DPYD: variants seen among roughly 807,000 people sequenced by gnomAD.
DPYD encodes dihydropyrimidine dehydrogenase.
Under a neutral mutation model 116.2 loss-of-function variants are expected in DPYD, and 109 were observed. That is an observed-to-expected ratio of 0.94 (90% CI 0.80 to 1.10). The LOEUF is 1.10. Among genes scored for constraint, DPYD ranks in the 50% least tolerant of loss-of-function variants. DPYD has a pLI of 0.00. For missense variants in DPYD, 1,302 were observed against 1,254.5 expected (o/e 1.04, Z -0.57); for synonymous variants, 440 against 432.0 (o/e 1.02, Z -0.23).
In DPYD at chr1:97,921,021, A is replaced by G. The variant is rs571741157; in HGVS notation, c.-99T>C. On this transcript the variant is annotated 5_prime_UTR_variant, in exon 1 of 23. Coordinates refer to ENST00000370192, the MANE Select transcript of DPYD (RefSeq NM_000110.4). ...GTGACAGCAGCCGGAGCGCGAGTCGAAAACAGGCAGACTAGGGCCGGCGGC... is the reference window on the plus strand; with the variant it reads ...GTGACAGCAGCCGGAGCGCGAGTCGGAAACAGGCAGACTAGGGCCGGCGGC... 6.8e-6 allele frequency: 10 copies of G among 1,474,960 alleles called. No homozygotes were observed. The highest frequency in any genetic ancestry group is 7.4e-6 in the Non-Finnish European group (8 of 1,081,706). 91.4% of individuals were successfully genotyped at this position (1,474,960 alleles called of 1,614,324 possible).
chr1:97,092,772 C>A (rs1438979040), intron 21 of DPYD, among the ~76,000 whole-genome samples: 3 of 152,148 alleles, frequency 2.0e-5, no homozygotes, highest in Non-Finnish European at 2.9e-5. Context: ...AACATCAAAA[C>A]CTTAACTCAT....
chr1:97,136,333 C>T (rs1653795389), intron 20 of DPYD, among the ~76,000 whole-genome samples: 1 of 152,110 alleles, frequency 6.6e-6, no homozygotes, highest in Admixed American at 6.6e-5. Context: ...ATATAGTCTT[C>T]GCAATCACCC....
intron 20 of DPYD, among the ~76,000 whole-genome samples, chr1:97,173,013 T>G (rs1456783894): frequency 6.6e-6 from 1 of 152,042 alleles, no homozygotes; most frequent in Admixed American, 6.6e-5. Flanking sequence ...ATAGCAGTTA[T>G]GTTGAGGAGT....
intron 15 of DPYD, 36 bp from the exon 16 acceptor site, chr1:97,373,680 A>C: frequency 3.2e-6 from 5 of 1,578,608 alleles, no homozygotes; most frequent in Non-Finnish European, 3.5e-6. Flanking sequence ...GAAAAGGCAA[A>C]GCTTTATTTA....
At chr1:97,802,341 G>A (rs1667885134) in intron 3 of DPYD, among the ~76,000 whole-genome samples, 1 of 151,804 alleles carries the variant, frequency 6.6e-6, no homozygotes, top group East Asian at 1.9e-4. Flanking sequence ...CAGAGGGCAA[G>A]ACTAAAAGTT....
At chr1:97,491,627 T>G (rs193269851) in intron 13 of DPYD, among the ~76,000 whole-genome samples, 1 of 152,092 alleles carries the variant, frequency 6.6e-6, no homozygotes, top group African/African-American at 2.4e-5. Context: ...TGAATGATGC[T>G]GAATAGTACA....
At chr1:97,105,270 G>T (rs1651054915) in intron 20 of DPYD, among the ~76,000 whole-genome samples, 1 of 151,922 alleles carries the variant, frequency 6.6e-6, no homozygotes, top group Non-Finnish European at 1.5e-5. Flanking sequence ...AAGGAGAGGG[G>T]GAATAGAAAA....
At chr1:97,361,038 C>T (rs1050394671) in intron 16 of DPYD, among the ~76,000 whole-genome samples, 8 of 151,728 alleles carry the variant, frequency 5.3e-5, no homozygotes, top group African/African-American at 1.9e-4. Context: ...AAAAGATCAA[C>T]AAAATTGATA....
In DPYD at chr1:97,828,150, G is replaced by C; in HGVS notation, c.197C>G (p.Thr66Ser). Residue 66 changes from threonine to serine, a missense_variant, in exon 3 of 23, where the codon ACT becomes AGT. Thr to Ser is a moderately conservative substitution (Grantham distance 58). Coordinates refer to ENST00000370192, the MANE Select transcript of DPYD (RefSeq NM_000110.4). ...ENNFDDIKHT[T>S]LGERGALREA... ...TCGGAGAGCTCCTCGCTCACCAAGA[G>C]TCGTGTGCTTGATGTCATCAAAATT... 6.2e-7 allele frequency: 1 copy of C among 1,613,718 alleles called. No homozygotes were observed. The highest frequency in any genetic ancestry group is 2.2e-5 in the East Asian group (1 of 44,856).
intron 1 of DPYD, among the ~76,000 whole-genome samples, chr1:97,894,158 C>T (rs1019431726): frequency 3.3e-5 from 5 of 151,754 alleles, no homozygotes; most frequent in African/African-American, 7.2e-5. Flanking sequence ...TTTCCCTCTT[C>T]TGACTCACTC....
Position 97,156,575 on chromosome 1 carries a change from C to T in DPYD, c.2622+36494G>A, listed in dbSNP as rs372021380. 6.2e-4 allele frequency among the ~76,000 whole-genome samples: 95 copies of T among 152,104 alleles called. 1 individual carries two copies. The South Asian group carries it at 0.014, about 23-fold the overall frequency. ...ATCAAAACCACAATGAGATACCATC[C>T]CACACCAGTTAGAATGGCAATCATT... On this transcript the variant is annotated intron_variant, in intron 20 of 22. Coordinates refer to ENST00000370192, the MANE Select transcript of DPYD (RefSeq NM_000110.4).
rs188817134 is a variant in DPYD, at chr1:97,327,977, T to C, written c.2059-21680A>G. 1.6e-3 allele frequency among the ~76,000 whole-genome samples: 239 copies of C among 152,224 alleles called. 3 individuals carry two copies. In the South Asian group the frequency reaches 0.022, roughly 14 times the overall value. ...TTAGAAGAACTGGGTAATCCATAGC[T>C]CTGGGCCTGGCACAAGCAGGAACTT... is the stretch of plus-strand genomic sequence containing the variant. On this transcript the variant is annotated intron_variant, in intron 16 of 22. Coordinates refer to ENST00000370192, the MANE Select transcript of DPYD (RefSeq NM_000110.4).
chr1:97,593,411 A>G (rs371941489), intron 9 of DPYD, 24 bp from the exon 10 acceptor site: 7 of 1,613,350 alleles, frequency 4.3e-6, no homozygotes, highest in Non-Finnish European at 5.9e-6. Flanking sequence ...GGAAAACCCC[A>G]TTTTCAAGTA....
chr1:97,110,556 C>A (rs890356704), intron 20 of DPYD, among the ~76,000 whole-genome samples: 2 of 152,122 alleles, frequency 1.3e-5, no homozygotes, highest in Non-Finnish European at 2.9e-5. Context: ...CGTCTGTCAT[C>A]CTAAAAACAA....
At chr1:97,371,756 G>T (rs1231532716) in intron 16 of DPYD, among the ~76,000 whole-genome samples, 1 of 152,120 alleles carries the variant, frequency 6.6e-6, no homozygotes, top group East Asian at 1.9e-4. Context: ...ATTTACAAGA[G>T]AATATCATTC....
In DPYD at chr1:97,587,238, G is replaced by T. The variant is rs572071332; in HGVS notation, c.1128+5980C>A. Among the ~76,000 whole-genome samples, 11 of 152,248 alleles carry T rather than the reference G, an allele frequency of 7.2e-5. No individual in the cohort carries two copies. In the East Asian group the frequency reaches 1.7e-3, roughly 24 times the overall value. On this transcript the variant is annotated intron_variant, in intron 10 of 22. Coordinates refer to ENST00000370192, the MANE Select transcript of DPYD (RefSeq NM_000110.4). Reference sequence around the variant, plus strand: ...GTACTTTAATATCTTAGTACCAGGGGAGCCCCTAACTACTGTTAATTAGCT... The same window carrying T: ...GTACTTTAATATCTTAGTACCAGGGTAGCCCCTAACTACTGTTAATTAGCT...
intron 3 of DPYD, among the ~76,000 whole-genome samples, chr1:97,790,500 C>G (rs1036878535): frequency 1.3e-5 from 2 of 152,164 alleles, no homozygotes; most frequent in African/African-American, 4.8e-5. Flanking sequence ...ATGGAGGGCA[C>G]AGAATAGTCT....
intron 13 of DPYD, among the ~76,000 whole-genome samples, chr1:97,452,219 A>C (rs1676454812): frequency 6.6e-6 from 1 of 152,138 alleles, no homozygotes; most frequent in Admixed American, 6.6e-5. Flanking sequence ...GCTCTGACTC[A>C]TGCCACCATA....
intron 13 of DPYD, among the ~76,000 whole-genome samples, chr1:97,467,744 C>T (rs111480778): frequency 9.9e-5 from 15 of 152,216 alleles, no homozygotes; most frequent in African/African-American, 3.6e-4. Flanking sequence ...AACTTTTGAC[C>T]TGCATCTCCA....
Sources: allele counts gnomAD v4.1 joint callset (sites outside exome capture counted in the v4.1 genomes callset), GRCh38; gene constraint gnomAD v4.1.1; transcripts MANE v1.5; gene names NCBI Gene and HGNC (gene_info 2026-07-23, HGNC 2026-07-21).